DOCK2: variants seen among roughly 807,000 people sequenced by gnomAD.
DOCK2 encodes the protein dedicator of cytokinesis 2.
DOCK2 carries 87 observed loss-of-function variants against 248.9 expected under a neutral mutation model. The ratio of observed to expected loss-of-function variants is 0.35; its 90% CI spans 0.29 to 0.42. DOCK2 has a LOEUF of 0.42. Ranked by LOEUF, DOCK2 falls within the 10% of genes least tolerant of loss-of-function variation. DOCK2 has a pLI of 1.00. For synonymous variants in DOCK2, 805 were observed against 821.6 expected (o/e 0.98, Z 0.35); for missense variants, 1,747 against 2,300.2 (o/e 0.76, Z 4.92).
At chr5:169,916,432 G>A (rs949166507) in intron 27 of DOCK2, among the ~76,000 whole-genome samples, 3 of 152,172 alleles carry the variant, frequency 2.0e-5, no homozygotes, top group Middle Eastern at 3.2e-3. Context: ...ACCTTGCCAT[G>A]GGGACAAATG....
At chr5:169,642,586 T>C (rs1467526263) in intron 1 of DOCK2, among the ~76,000 whole-genome samples, 1 of 152,186 alleles carries the variant, frequency 6.6e-6, no homozygotes, top group African/African-American at 2.4e-5. Context: ...CAGAAATTAG[T>C]CTGGTGAAAC....
At chr5:169,931,710 T>C (rs259893) in intron 27 of DOCK2, among the ~76,000 whole-genome samples, 16,462 of 152,206 alleles carry the variant, frequency 0.11, 1,044 homozygotes, top group African/African-American at 0.19. Flanking sequence ...GTGAAGTTCC[T>C]AGCACAGTAG....
At chr5:170,008,231 A>C (rs552995263) in intron 30 of DOCK2, among the ~76,000 whole-genome samples, 28 of 147,788 alleles carry the variant, frequency 1.9e-4, no homozygotes, top group South Asian at 8.6e-4. Context: ...ACAACAAAAA[A>C]AAAAAAACCT....
intron 26 of DOCK2, among the ~76,000 whole-genome samples, chr5:169,812,179 G>A (rs188750545): frequency 2.6e-5 from 4 of 152,200 alleles, no homozygotes; most frequent in Non-Finnish European, 4.4e-5. Context: ...CAGTCACTCC[G>A]CATGGCTTGC....
At chr5:169,702,625 C>A in intron 14 of DOCK2, 198 bp downstream of exon 14, 2 of 602,524 alleles carry the variant, frequency 3.3e-6, no homozygotes, top group Non-Finnish European at 5.1e-6. Context: ...TTCCTTACAC[C>A]AAAGCAGTTT....
At chr5:169,825,383 G>T (rs1197012456) in intron 26 of DOCK2, among the ~76,000 whole-genome samples, 2 of 151,902 alleles carry the variant, frequency 1.3e-5, no homozygotes, top group Non-Finnish European at 1.5e-5. Context: ...ATATCCAACA[G>T]TGATAGACTG....
At chr5:169,815,744 G>C (rs927097305) in intron 26 of DOCK2, among the ~76,000 whole-genome samples, 11 of 152,020 alleles carry the variant, frequency 7.2e-5, no homozygotes, top group Non-Finnish European at 1.5e-4. Flanking sequence ...TGTCTAACTT[G>C]TATCACTCCT....
intron 22 of DOCK2, among the ~76,000 whole-genome samples, chr5:169,724,888 T>C (rs1762395228): frequency 1.3e-5 from 2 of 152,142 alleles, no homozygotes; most frequent in South Asian, 4.1e-4. Context: ...AGGTCATGAA[T>C]ATGTTAGGCA....
chr5:169,998,644 T>A (rs756073641), intron 30 of DOCK2, among the ~76,000 whole-genome samples: 2 of 152,176 alleles, frequency 1.3e-5, no homozygotes, highest in Non-Finnish European at 2.9e-5. Flanking sequence ...AATAAGGAGA[T>A]AGCATGGTGT....
intron 25 of DOCK2, among the ~76,000 whole-genome samples, chr5:169,795,880 C>A (rs1766617572): frequency 6.6e-6 from 1 of 152,184 alleles, no homozygotes; most frequent in Admixed American, 6.5e-5. Context: ...TCTATAGCAT[C>A]CCCCGCCCCT....
At chr5:169,735,259 C>T (rs147564138) in intron 22 of DOCK2, among the ~76,000 whole-genome samples, 386 of 152,234 alleles carry the variant, frequency 2.5e-3, no homozygotes, top group Non-Finnish European at 4.6e-3. Context: ...CCCCTCTGGT[C>T]CCCTTTGACC....
intron 33 of DOCK2, 125 bp from the exon 34 acceptor site, chr5:170,027,738 G>A (rs918279408): frequency 4.7e-6 from 4 of 853,294 alleles, no homozygotes; most frequent in African/African-American, 3.4e-5. Flanking sequence ...TGCATTCCCA[G>A]ATCCCAGCAC....
At chr5:169,963,799 C>G (rs1777188383) in intron 27 of DOCK2, among the ~76,000 whole-genome samples, 1 of 152,290 alleles carries the variant, frequency 6.6e-6, no homozygotes, top group East Asian at 1.9e-4. Flanking sequence ...GGCCCTGGCT[C>G]TTATCCTTGA....
intron 25 of DOCK2, among the ~76,000 whole-genome samples, chr5:169,794,023 C>G (rs1766501540): frequency 6.6e-6 from 1 of 152,174 alleles, no homozygotes; most frequent in African/African-American, 2.4e-5. Context: ...AATTTCCTTG[C>G]TGGTAGTTAT....
intron 27 of DOCK2, among the ~76,000 whole-genome samples, chr5:169,963,649 T>G (rs577671935): frequency 6.6e-6 from 1 of 152,250 alleles, no homozygotes; most frequent in South Asian, 2.1e-4. Flanking sequence ...ACCCAGAATG[T>G]TAACCCACCC....
At chr5:170,074,149 A>G (rs185723272) in intron 46 of DOCK2, among the ~76,000 whole-genome samples, 32 of 151,492 alleles carry the variant, frequency 2.1e-4, no homozygotes, top group African/African-American at 7.8e-4. Flanking sequence ...TTTTTTATAT[A>G]AAATCTTTGT....
rs141164963 is a variant in DOCK2, at chr5:170,056,696, C to T, written c.4308C>T (p.Ser1436=). Residue 1436 remains serine, a synonymous_variant, in exon 43 of 52, where the codon TCC becomes TCT. Coordinates refer to ENST00000520908, the MANE Select transcript of DOCK2 (RefSeq NM_004946.3). ...TCCTGTCTTTCAGCTTCTACAAATC[C>T]AACTACGTGCAAAGGTTCCACTACT... The part of the protein sequence containing the change: ...VPDQIINFYK[S]NYVQRFHYSR... The T allele has an allele frequency of 1.1e-5, 17 of 1,613,956 alleles. No homozygotes were observed. In the African/African-American group the frequency reaches 2.1e-4, roughly 20 times the overall value.
intron 4 of DOCK2, 45 bp from the exon 5 acceptor site, chr5:169,671,033 A>G (rs1489021865): frequency 1.3e-6 from 2 of 1,558,314 alleles, no homozygotes; most frequent in East Asian, 2.3e-5. Flanking sequence ...TCTTGTTAGC[A>G]CCTGGGTCTC....
chr5:170,065,269 A>G (rs1757451822), intron 44 of DOCK2, among the ~76,000 whole-genome samples: 1 of 152,204 alleles, frequency 6.6e-6, no homozygotes, highest in Admixed American at 6.5e-5. Context: ...AAGTTAGAAG[A>G]AAAGACCCAC....
Sources: gnomAD v4.1 joint callset for allele counts (sites outside exome capture counted in the v4.1 genomes callset) on GRCh38, gnomAD v4.1.1 for gene constraint, MANE v1.5 for transcripts, NCBI Gene and HGNC (gene_info 2026-07-23, HGNC 2026-07-21) for gene names.